FHIT: variants seen among roughly 807,000 people sequenced by gnomAD.
FHIT encodes bis(5'-adenosyl)-triphosphatase.
A neutral mutation model predicts 17.9 loss-of-function variants in FHIT; 19 were observed. That is an observed-to-expected ratio of 1.06 (90% CI 0.74 to 1.56). The LOEUF is 1.56. Ranked by LOEUF, FHIT falls within the 40% of genes most tolerant of loss-of-function variation. FHIT has a pLI of 0.00. For missense variants in FHIT, 248 were observed against 189.2 expected, an observed-to-expected ratio of 1.31 and a Z score of -1.82; for synonymous variants, 81 against 69.7, an observed-to-expected ratio of 1.16 and a Z score of -0.81.
intron 8 of FHIT, among the ~76,000 whole-genome samples, chr3:59,847,986 A>C (rs533469190): frequency 1.9e-4 from 29 of 152,298 alleles, no homozygotes; most frequent in African/African-American, 6.5e-4. Flanking sequence ...ATTCCCTAGG[A>C]GTCACTTCAG....
intron 5 of FHIT, among the ~76,000 whole-genome samples, chr3:60,193,740 G>A (rs1045996167): frequency 6.6e-6 from 1 of 152,148 alleles, no homozygotes; most frequent in African/African-American, 2.4e-5. Flanking sequence ...GGGGGACACA[G>A]GCTTTCACAT....
At chr3:59,978,393 T>C (rs1394769175) in intron 7 of FHIT, among the ~76,000 whole-genome samples, 2 of 152,012 alleles carry the variant, frequency 1.3e-5, no homozygotes, top group Non-Finnish European at 2.9e-5. Context: ...CCATTAGATA[T>C]CTACAATATT....
chr3:59,893,880 G>C (rs1319596144), intron 8 of FHIT, among the ~76,000 whole-genome samples: 1 of 152,194 alleles, frequency 6.6e-6, no homozygotes, highest in African/African-American at 2.4e-5. Context: ...TGATCAACTA[G>C]CAGTAGCTCT....
At chr3:60,682,967 G>T (rs1042248124) in intron 4 of FHIT, among the ~76,000 whole-genome samples, 1 of 152,150 alleles carries the variant, frequency 6.6e-6, no homozygotes. Context: ...GACTTTGAGG[G>T]GTTCAAGACT....
chr3:60,121,529 T>G (rs1705246769), intron 5 of FHIT, among the ~76,000 whole-genome samples: 1 of 151,632 alleles, frequency 6.6e-6, no homozygotes, highest in South Asian at 2.1e-4. Flanking sequence ...CTACCAAACA[T>G]AAAAATTAGC....
At chr3:61,135,614 CAT>C (rs1170511572) in intron 2 of FHIT, among the ~76,000 whole-genome samples, 20 of 151,976 alleles carry the variant, frequency 1.3e-4, no homozygotes, top group Admixed American at 1.1e-3. Context: ...CACACACACA[CAT>C]ACACACAGTA....
At chr3:60,506,193 G>C (rs1415956249) in intron 5 of FHIT, among the ~76,000 whole-genome samples, 2 of 152,142 alleles carry the variant, frequency 1.3e-5, no homozygotes, top group Non-Finnish European at 2.9e-5. Context: ...CACTAATGAA[G>C]GAGTCCACAA....
chr3:59,847,770 G>A (rs1159004370), intron 8 of FHIT, among the ~76,000 whole-genome samples: 1 of 152,030 alleles, frequency 6.6e-6, no homozygotes, highest in Non-Finnish European at 1.5e-5. Flanking sequence ...TTTGATTGTT[G>A]TAGGCCAACT....
At chr3:60,994,837 G>A (rs929493462) in intron 3 of FHIT, among the ~76,000 whole-genome samples, 1 of 152,102 alleles carries the variant, frequency 6.6e-6, no homozygotes, top group African/African-American at 2.4e-5. Context: ...CACACTTCAT[G>A]GAAACATCAC....
At chr3:60,346,871 T>C (rs1710806588) in intron 5 of FHIT, among the ~76,000 whole-genome samples, 1 of 152,222 alleles carries the variant, frequency 6.6e-6, no homozygotes, top group Admixed American at 6.5e-5. Context: ...TGGATGTTGC[T>C]TTCTTAGAAA....
intron 5 of FHIT, among the ~76,000 whole-genome samples, chr3:60,354,492 G>A (rs1301811677): frequency 6.6e-6 from 1 of 152,084 alleles, no homozygotes; most frequent in African/African-American, 2.4e-5. Flanking sequence ...CCAGTCTGAA[G>A]AAACAGATAC....
intron 7 of FHIT, among the ~76,000 whole-genome samples, chr3:59,937,971 C>T (rs561421796): frequency 1.3e-5 from 2 of 152,232 alleles, no homozygotes; most frequent in South Asian, 2.1e-4. Flanking sequence ...ACATCCTCTT[C>T]CAGCATGGGG....
chr3:60,389,906 A>T (rs1396329927), intron 5 of FHIT, among the ~76,000 whole-genome samples: 4 of 152,190 alleles, frequency 2.6e-5, no homozygotes, highest in African/African-American at 9.7e-5. Flanking sequence ...GTCAAGCACT[A>T]CACAAGTTCA....
chr3:60,475,555 A>ACCACC (rs2033303390), intron 5 of FHIT, among the ~76,000 whole-genome samples: 1 of 152,224 alleles, frequency 6.6e-6, no homozygotes, highest in Non-Finnish European at 1.5e-5. Context: ...TGGAGGGGCT[A>ACCACC]CAACCCAGGG....
intron 5 of FHIT, among the ~76,000 whole-genome samples, chr3:60,253,911 C>T (rs1325413098): frequency 6.6e-6 from 1 of 152,198 alleles, no homozygotes; most frequent in Non-Finnish European, 1.5e-5. Flanking sequence ...CCAGCACTTA[C>T]TTGTGAGTTA....
At chr3:60,887,585 G>A (rs1353436579) in intron 3 of FHIT, among the ~76,000 whole-genome samples, 1 of 152,130 alleles carries the variant, frequency 6.6e-6, no homozygotes, top group Non-Finnish European at 1.5e-5. Context: ...GGCAGAGGTT[G>A]CAGTGAGCCG....
At chr3:61,132,686 A>G (rs1294332715) in intron 2 of FHIT, among the ~76,000 whole-genome samples, 1 of 152,234 alleles carries the variant, frequency 6.6e-6, no homozygotes, top group Non-Finnish European at 1.5e-5. Context: ...AACTGTAAAG[A>G]GTCCACAGTG....
At chr3:59,752,589 T>G (rs1164205882) in intron 8 of FHIT, among the ~76,000 whole-genome samples, 1 of 152,138 alleles carries the variant, frequency 6.6e-6, no homozygotes, top group Non-Finnish European at 1.5e-5. Context: ...TGCCCATATC[T>G]CATGTCAAAT....
At chr3:61,209,012 G>T (rs1019298446) in intron 1 of FHIT, among the ~76,000 whole-genome samples, 1 of 151,908 alleles carries the variant, frequency 6.6e-6, no homozygotes, top group South Asian at 2.1e-4. Flanking sequence ...GGCTGGCCTG[G>T]TGGTGAGAAA....
Sources: allele counts gnomAD v4.1 joint callset (sites outside exome capture counted in the v4.1 genomes callset), GRCh38; gene constraint gnomAD v4.1.1; transcripts MANE v1.5; gene names NCBI Gene and HGNC (gene_info 2026-07-23, HGNC 2026-07-21).